Variants in HTR1F observed in about 807,000 individuals in gnomAD.
HTR1F encodes the protein 5-hydroxytryptamine (serotonin) receptor 1F, G protein-coupled.
HTR1F carries 17 observed loss-of-function variants against 24.0 expected under a neutral mutation model. The observed-to-expected ratio is 0.71, with a 90% CI of 0.48 to 1.06. The LOEUF (loss-of-function observed/expected upper bound fraction) is 1.06, where lower values mean the gene tolerates loss of function less well. HTR1F is among the 50% of genes least tolerant of loss of function. HTR1F has a pLI of 0.00. For missense variants in HTR1F, 391 were observed against 427.8 expected, an observed-to-expected ratio of 0.91 and a Z score of 0.76; for synonymous variants, 186 against 156.8, an observed-to-expected ratio of 1.19 and a Z score of -1.39.
intron 2 of HTR1F, among the ~76,000 whole-genome samples, chr3:87,831,128 G>A (rs1343277285): frequency 6.6e-6 from 1 of 151,418 alleles, no homozygotes; most frequent in South Asian, 2.1e-4. Flanking sequence ...GGTAGTGTGG[G>A]GTCTAAGTAT....
chr3:87,989,168 T>C (rs547833777), intron 2 of HTR1F, among the ~76,000 whole-genome samples: 4 of 152,326 alleles, frequency 2.6e-5, no homozygotes, highest in Non-Finnish European at 4.4e-5. Flanking sequence ...ATATTAATTC[T>C]ATTTTATTAT....
rs548913618 is a variant in HTR1F, at chr3:87,868,741, CA to C, written c.-43+46618del. On this transcript the variant is annotated intron_variant, in intron 2 of 2. Coordinates refer to ENST00000319595, the MANE Select transcript of HTR1F (RefSeq NM_001322209.2). ...TGCAAACAATGATGTTTATTATTTC[CA>C]TTTTTTTCTCTGTATAGAGCATAGT... Among the ~76,000 whole-genome samples the C allele has an allele frequency of 7.9e-3, 1,197 of 151,900 alleles. 10 individuals carry two copies. The highest frequency in any genetic ancestry group is 0.013 in the Non-Finnish European group (871 of 67,840).
intron 2 of HTR1F, among the ~76,000 whole-genome samples, chr3:87,924,333 T>C (rs536173767): frequency 9.7e-4 from 148 of 152,286 alleles, no homozygotes; most frequent in African/African-American, 3.5e-3. Context: ...TTAAGACTTG[T>C]ATAATTTCAT....
chr3:87,800,967 A>T (rs1703981144), intron 1 of HTR1F, among the ~76,000 whole-genome samples: 1 of 152,228 alleles, frequency 6.6e-6, no homozygotes, highest in South Asian at 2.1e-4. Context: ...CAAGAAAAGT[A>T]TATAGTCTCA....
chr3:87,931,781 C>T (rs552306080), intron 2 of HTR1F, among the ~76,000 whole-genome samples: 2 of 149,852 alleles, frequency 1.3e-5, no homozygotes, highest in Admixed American at 6.6e-5. Flanking sequence ...TTTTGATTTG[C>T]ATTTCTCTGA....
At chr3:87,839,228 A>G (rs909715345) in intron 2 of HTR1F, among the ~76,000 whole-genome samples, 1 of 151,960 alleles carries the variant, frequency 6.6e-6, no homozygotes, top group African/African-American at 2.4e-5. Context: ...TCACTAATTC[A>G]TTTTGAGTTG....
At chr3:87,945,491 G>C (rs982372288) in intron 2 of HTR1F, among the ~76,000 whole-genome samples, 1 of 152,172 alleles carries the variant, frequency 6.6e-6, no homozygotes, top group Non-Finnish European at 1.5e-5. Context: ...AGGTAGGGGC[G>C]CACACATGGG....
At chr3:87,866,848 G>A (rs902034349) in intron 2 of HTR1F, among the ~76,000 whole-genome samples, 19 of 144,838 alleles carry the variant, frequency 1.3e-4, no homozygotes, top group Admixed American at 6.1e-4. Context: ...GTGTGTGTGC[G>A]TGTGTGTGTT....
chr3:87,812,995 T>C (rs1455258968), intron 1 of HTR1F, among the ~76,000 whole-genome samples: 1 of 152,238 alleles, frequency 6.6e-6, no homozygotes, highest in Non-Finnish European at 1.5e-5. Flanking sequence ...AGAAGTCTGC[T>C]GCAGGGGTAG....
At chr3:87,800,038 C>A (rs2107063698) in intron 1 of HTR1F, among the ~76,000 whole-genome samples, 1 of 152,304 alleles carries the variant, frequency 6.6e-6, no homozygotes, top group South Asian at 2.1e-4. Flanking sequence ...CCTGATCATT[C>A]ATTACTTACT....
intron 2 of HTR1F, among the ~76,000 whole-genome samples, chr3:87,879,333 T>C (rs542902429): frequency 2.0e-5 from 3 of 152,330 alleles, no homozygotes; most frequent in African/African-American, 4.8e-5. Context: ...TTTTTGCTTG[T>C]ACAATATAAG....
intron 2 of HTR1F, among the ~76,000 whole-genome samples, chr3:87,853,639 T>G (rs1705136878): frequency 6.6e-6 from 1 of 151,256 alleles, no homozygotes; most frequent in Non-Finnish European, 1.5e-5. Context: ...CTTTGATGTC[T>G]TTGCTTTCCA....
chr3:87,811,277 TAA>T (rs58596561), intron 1 of HTR1F, among the ~76,000 whole-genome samples: 140 of 145,398 alleles, frequency 9.6e-4, no homozygotes, highest in African/African-American at 1.9e-3. Flanking sequence ...ATTCTATTGT[TAA>T]AAAAAAAAAA....
intron 2 of HTR1F, among the ~76,000 whole-genome samples, chr3:87,881,117 G>A (rs1312898525): frequency 3.9e-5 from 6 of 152,198 alleles, no homozygotes; most frequent in African/African-American, 9.6e-5. Context: ...AGCCTAAGCA[G>A]GGCGGGGCAT....
At chr3:87,983,862 T>C (rs1010424993) in intron 2 of HTR1F, among the ~76,000 whole-genome samples, 1 of 152,250 alleles carries the variant, frequency 6.6e-6, no homozygotes, top group African/African-American at 2.4e-5. Context: ...TTTAATCTTT[T>C]TGCTTACGCC....
chr3:87,793,151 CG>C (rs1703844195), intron 1 of HTR1F: 1 of 152,382 alleles, frequency 6.6e-6, no homozygotes, highest in Non-Finnish European at 1.5e-5. Context: ...GGCCCAAGGG[CG>C]AGGGGTGGCG....
At chr3:87,888,799 T>G (rs1380599318) in intron 2 of HTR1F, among the ~76,000 whole-genome samples, 2 of 152,150 alleles carry the variant, frequency 1.3e-5, no homozygotes, top group African/African-American at 4.8e-5. Context: ...AGTGAGATAA[T>G]GAGCTGAAAG....
intron 2 of HTR1F, among the ~76,000 whole-genome samples, chr3:87,919,667 G>T (rs747136146): frequency 6.6e-6 from 1 of 151,956 alleles, no homozygotes; most frequent in Admixed American, 6.6e-5. Flanking sequence ...ACCACGATAT[G>T]ATACCACCTT....
At chr3:87,864,000 C>A (rs1226538381) in intron 2 of HTR1F, among the ~76,000 whole-genome samples, 1 of 152,064 alleles carries the variant, frequency 6.6e-6, no homozygotes, top group African/African-American at 2.4e-5. Flanking sequence ...TGACTCATGC[C>A]ACCTTCCATC....
Sources: allele counts gnomAD v4.1 joint callset (sites outside exome capture counted in the v4.1 genomes callset), GRCh38; gene constraint gnomAD v4.1.1; transcripts MANE v1.5; gene names NCBI Gene and HGNC (gene_info 2026-07-23, HGNC 2026-07-21).